The following CPA6 variants were observed in gnomAD, a reference collection of about 807,000 sequenced individuals.
CPA6 encodes carboxypeptidase A6.
CPA6 carries 58 observed loss-of-function variants against 63.3 expected under a neutral mutation model. The ratio of observed to expected loss-of-function variants is 0.92; its 90% CI spans 0.74 to 1.14. CPA6 has a LOEUF of 1.14. CPA6 is among the 50% of genes most tolerant of loss of function. The probability of loss-of-function intolerance (pLI) is 0.00; values close to 1 mark genes in which losing one functional copy is unlikely to be tolerated. For synonymous variants in CPA6, 185 were observed against 179.0 expected, an observed-to-expected ratio of 1.03 and a Z score of -0.27; for missense variants, 565 against 526.6, an observed-to-expected ratio of 1.07 and a Z score of -0.71.
At chr8:67,614,223 C>G (rs1391412821) in intron 2 of CPA6, among the ~76,000 whole-genome samples, 5 of 152,242 alleles carry the variant, frequency 3.3e-5, no homozygotes, top group Non-Finnish European at 7.3e-5. Context: ...ACCCCAGCCT[C>G]TGCACTTGCC....
chr8:67,709,133 C>T (rs1349490439), intron 1 of CPA6, among the ~76,000 whole-genome samples: 1 of 152,116 alleles, frequency 6.6e-6, no homozygotes, highest in East Asian at 1.9e-4. Flanking sequence ...GGAAAAACAC[C>T]TCAAATGAGC....
chr8:67,650,818 T>C (rs911981955), intron 1 of CPA6, among the ~76,000 whole-genome samples: 1 of 152,144 alleles, frequency 6.6e-6, no homozygotes, highest in Non-Finnish European at 1.5e-5. Flanking sequence ...CACAGAGGAT[T>C]GATGGGTTGC....
intron 8 of CPA6, among the ~76,000 whole-genome samples, chr8:67,438,230 A>C (rs1281217256): frequency 3.9e-5 from 6 of 152,224 alleles, no homozygotes; most frequent in Non-Finnish European, 1.5e-5. Context: ...AAATGTCTCC[A>C]CAATTAAGGA....
intron 2 of CPA6, among the ~76,000 whole-genome samples, chr8:67,590,064 A>G (rs1411956734): frequency 7.0e-6 from 1 of 143,278 alleles, no homozygotes; most frequent in Non-Finnish European, 1.5e-5. Flanking sequence ...AACAGTCCCC[A>G]GAGTGTGATG....
intron 2 of CPA6, among the ~76,000 whole-genome samples, chr8:67,604,806 T>C (rs1042619638): frequency 1.3e-5 from 2 of 152,204 alleles, no homozygotes; most frequent in African/African-American, 4.8e-5. Flanking sequence ...AGATTGAGTT[T>C]CATTCTTTTT....
chr8:67,423,823 C>T (rs1809822620), intron 10 of CPA6, among the ~76,000 whole-genome samples: 1 of 152,194 alleles, frequency 6.6e-6, no homozygotes, highest in South Asian at 2.1e-4. Context: ...CAGGGGTCCC[C>T]AACCCCCAGG....
intron 1 of CPA6, among the ~76,000 whole-genome samples, chr8:67,711,323 T>A (rs1563403238): frequency 2.0e-5 from 3 of 152,216 alleles, no homozygotes; most frequent in African/African-American, 7.2e-5. Context: ...CCTTAACAAA[T>A]GCACAATTCA....
At chr8:67,711,306 A>C (rs1817254649) in intron 1 of CPA6, among the ~76,000 whole-genome samples, 1 of 152,272 alleles carries the variant, frequency 6.6e-6, no homozygotes, top group South Asian at 2.1e-4. Context: ...ACATGCAAAC[A>C]ATAAACCCTT....
intron 1 of CPA6, among the ~76,000 whole-genome samples, chr8:67,693,048 G>C (rs1816845387): frequency 6.6e-6 from 1 of 152,170 alleles, no homozygotes; most frequent in Non-Finnish European, 1.5e-5. Context: ...TGTAGCTATT[G>C]TACATCACTA....
chr8:67,506,328 C>T (rs914125273), intron 6 of CPA6, among the ~76,000 whole-genome samples: 4 of 152,100 alleles, frequency 2.6e-5, no homozygotes, highest in Non-Finnish European at 5.9e-5. Flanking sequence ...AAATTACAGA[C>T]CTATAGCAGG....
chr8:67,581,920 TG>T (rs1216741404), intron 2 of CPA6, among the ~76,000 whole-genome samples: 1 of 151,980 alleles, frequency 6.6e-6, no homozygotes, highest in Admixed American at 6.6e-5. Flanking sequence ...TGGTTTAATG[TG>T]GGGTGGGGTG....
intron 8 of CPA6, among the ~76,000 whole-genome samples, chr8:67,450,518 A>G (rs1051196721): frequency 6.6e-6 from 1 of 152,332 alleles, no homozygotes. Context: ...AGGAATTGCT[A>G]TCTTTTATCC....
At chr8:67,588,785 A>G (rs772679687) in intron 2 of CPA6, among the ~76,000 whole-genome samples, 1 of 152,160 alleles carries the variant, frequency 6.6e-6, no homozygotes, top group Non-Finnish European at 1.5e-5. Context: ...CCCAGCCCCA[A>G]ACTGTGATTT....
chr8:67,715,117 T>C (rs1817350804), intron 1 of CPA6, among the ~76,000 whole-genome samples: 1 of 152,126 alleles, frequency 6.6e-6, no homozygotes, highest in South Asian at 2.1e-4. Context: ...ACAAACCAAT[T>C]CTCTAATGCA....
intron 1 of CPA6, among the ~76,000 whole-genome samples, chr8:67,724,398 G>A (rs1166950422): frequency 2.0e-5 from 3 of 152,070 alleles, no homozygotes; most frequent in African/African-American, 7.3e-5. Flanking sequence ...ACTCTGCAGC[G>A]AACTTACAGC....
chr8:67,665,791 G>A (rs1365428993), intron 1 of CPA6, among the ~76,000 whole-genome samples: 1 of 152,202 alleles, frequency 6.6e-6, no homozygotes, highest in African/African-American at 2.4e-5. Context: ...GGTATAATAA[G>A]TTCTAGTTCT....
At chr8:67,473,779 A>AT (rs1330304488) in intron 8 of CPA6, among the ~76,000 whole-genome samples, 2 of 151,722 alleles carry the variant, frequency 1.3e-5, no homozygotes, top group Non-Finnish European at 2.9e-5. Flanking sequence ...TAATTTTTGT[A>AT]TTTTTTTGTA....
intron 2 of CPA6, among the ~76,000 whole-genome samples, chr8:67,552,137 T>A (rs1261726644): frequency 6.6e-6 from 1 of 152,206 alleles, no homozygotes; most frequent in Non-Finnish European, 1.5e-5. Context: ...ATGGAGTTTA[T>A]AATAAAATCT....
At chr8:67,568,880 G>T (rs1813410835) in intron 2 of CPA6, among the ~76,000 whole-genome samples, 2 of 152,014 alleles carry the variant, frequency 1.3e-5, no homozygotes, top group Non-Finnish European at 2.9e-5. Context: ...CCTCCCTAGT[G>T]GCTGGGATTA....
Sources: allele counts gnomAD v4.1 joint callset (sites outside exome capture counted in the v4.1 genomes callset), GRCh38; gene constraint gnomAD v4.1.1; transcripts MANE v1.5; gene names NCBI Gene and HGNC (gene_info 2026-07-23, HGNC 2026-07-21).